HPGDS: variants seen among roughly 807,000 people sequenced by gnomAD.
HPGDS encodes hematopoietic prostaglandin D synthase.
A neutral mutation model predicts 23.1 loss-of-function variants in HPGDS; 26 were observed. That is an observed-to-expected ratio of 1.13 (90% CI 0.83 to 1.56). The LOEUF is 1.56. Among genes scored for constraint, HPGDS ranks in the 40% most tolerant of loss-of-function variants. HPGDS has a pLI of 0.00. For synonymous variants in HPGDS, 95 were observed against 77.9 expected (o/e 1.22, Z -1.16); for missense variants, 268 against 236.4 (o/e 1.13, Z -0.88).
intron 2 of HPGDS, among the ~76,000 whole-genome samples, chr4:94,323,362 T>G (rs972078644): frequency 2.0e-5 from 3 of 152,188 alleles, no homozygotes; most frequent in Non-Finnish European, 4.4e-5. Flanking sequence ...GACATTGAGG[T>G]GTTAAAGTCT....
intron 4 of HPGDS, among the ~76,000 whole-genome samples, chr4:94,305,893 T>G (rs565622809): frequency 7.9e-5 from 12 of 152,236 alleles, no homozygotes; most frequent in African/African-American, 2.9e-4. Context: ...TGGGCTCAGT[T>G]CACAGTTCTG....
chr4:94,313,389 A>C (rs888102600), intron 3 of HPGDS, among the ~76,000 whole-genome samples: 4 of 151,970 alleles, frequency 2.6e-5, no homozygotes, highest in Admixed American at 6.6e-5. Flanking sequence ...TTTTTCCTTC[A>C]CTTATGAAGC....
chr4:94,308,708 C>G lies in HPGDS; in HGVS notation c.262G>C (p.Val88Leu). 4 of 1,607,668 alleles carry G rather than the reference C, an allele frequency of 2.5e-6. No homozygotes were observed. The South Asian group carries it at 4.4e-5, about 18-fold the overall frequency. ...AGNTEMEQCHVDAIVDTLDDF... is the reference protein window; with the variant it reads ...AGNTEMEQCHLDAIVDTLDDF... Reference sequence around the variant, plus strand: ...TCCAGAGTGTCCACAATAGCATCAACATGACATTGTTCCATTTCTGTGTTT... The same window carrying G: ...TCCAGAGTGTCCACAATAGCATCAAGATGACATTGTTCCATTTCTGTGTTT... The change falls in exon 4 of 6, where the codon GTT (valine) becomes CTT (leucine). Residue 88 changes from valine (V) to leucine (L), a missense_variant. Coordinates refer to ENST00000295256, the MANE Select transcript of HPGDS (RefSeq NM_014485.3).
chr4:94,314,627 C>G (rs1341177827), intron 3 of HPGDS, among the ~76,000 whole-genome samples: 2 of 152,202 alleles, frequency 1.3e-5, no homozygotes, highest in African/African-American at 4.8e-5. Context: ...TCTCAGATCT[C>G]AAGCTGCATG....
At chr4:94,321,730 C>G (rs1225694940) in intron 2 of HPGDS, among the ~76,000 whole-genome samples, 3 of 152,228 alleles carry the variant, frequency 2.0e-5, no homozygotes, top group South Asian at 2.1e-4. Context: ...TTGACTTCCT[C>G]TCTTCCTAAT....
intron 2 of HPGDS, among the ~76,000 whole-genome samples, chr4:94,330,442 T>C (rs115810760): frequency 0.016 from 2,478 of 152,304 alleles, 56 homozygotes; most frequent in African/African-American, 0.055. Flanking sequence ...AGCTTTTTTT[T>C]CCATGACGTC....
intron 3 of HPGDS, among the ~76,000 whole-genome samples, 174 bp downstream of exon 3, chr4:94,317,699 G>A (rs111582611): frequency 3.3e-4 from 51 of 152,240 alleles, no homozygotes; most frequent in African/African-American, 8.9e-4. Flanking sequence ...TAATTGTCCA[G>A]GGAACTCATG....
In HPGDS at chr4:94,334,579, A is replaced by G; in HGVS notation, c.51T>C (p.Ile17=). 3 of 1,613,380 alleles carry G rather than the reference A, an allele frequency of 1.9e-6. No individual in the cohort carries two copies. Among genetic ancestry groups the G allele is most frequent in the Non-Finnish European group, 2.5e-6 (3 of 1,179,532 alleles). ...CCAAATAAGCAAATATGTAACGAAT[A>G]ATTTCTGCTCTCCCCCTCATATTAA... ...TYFNMRGRAE[I]IRYIFAYLDI... Residue 17 remains isoleucine, a synonymous_variant, in exon 2 of 6, where the codon ATT becomes ATC. Coordinates refer to ENST00000295256, the MANE Select transcript of HPGDS (RefSeq NM_014485.3).
chr4:94,312,602 G>T (rs905302715), intron 3 of HPGDS, among the ~76,000 whole-genome samples: 2 of 152,150 alleles, frequency 1.3e-5, no homozygotes, highest in Admixed American at 6.6e-5. Context: ...GTGCTGAGAA[G>T]AATGTATATT....
At chr4:94,326,216 A>G (rs900927254) in intron 2 of HPGDS, among the ~76,000 whole-genome samples, 4 of 152,110 alleles carry the variant, frequency 2.6e-5, no homozygotes, top group African/African-American at 9.7e-5. Context: ...TCTATACCTG[A>G]GCTTCATGTA....
At chr4:94,306,663 C>T (rs1756144232) in intron 4 of HPGDS, among the ~76,000 whole-genome samples, 1 of 152,026 alleles carries the variant, frequency 6.6e-6, no homozygotes, top group Non-Finnish European at 1.5e-5. Context: ...ACAGCTGTCC[C>T]TTCCCCATTC....
intron 3 of HPGDS, among the ~76,000 whole-genome samples, chr4:94,315,281 C>T (rs1425536629): frequency 6.6e-6 from 1 of 152,210 alleles, no homozygotes; most frequent in African/African-American, 2.4e-5. Flanking sequence ...CATCTTGGAA[C>T]TGCCTCTCCC....
intron 3 of HPGDS, among the ~76,000 whole-genome samples, chr4:94,313,546 C>A (rs965852113): frequency 6.6e-6 from 1 of 152,170 alleles, no homozygotes; most frequent in Non-Finnish European, 1.5e-5. Flanking sequence ...GGTAACCCGA[C>A]CTTTCTCTTT....
chr4:94,312,445 G>A (rs1424438139), intron 3 of HPGDS, among the ~76,000 whole-genome samples: 9 of 152,024 alleles, frequency 5.9e-5, no homozygotes, highest in Non-Finnish European at 8.8e-5. Context: ...GTAGTTGAGC[G>A]GTTTTGAGTG....
chr4:94,335,476 G>A (rs143928941), intron 1 of HPGDS, among the ~76,000 whole-genome samples: 31 of 152,148 alleles, frequency 2.0e-4, no homozygotes, highest in East Asian at 3.9e-4. Context: ...TTTTAATTTC[G>A]TAAGATCAAA....
chr4:94,323,319 T>G (rs889672476), intron 2 of HPGDS, among the ~76,000 whole-genome samples: 10 of 152,208 alleles, frequency 6.6e-5, no homozygotes, highest in African/African-American at 2.2e-4. Flanking sequence ...GACATCATTG[T>G]TAACCTTCTT....
At chr4:94,339,720 G>T (rs1201394670) in intron 1 of HPGDS, among the ~76,000 whole-genome samples, 1 of 151,786 alleles carries the variant, frequency 6.6e-6, no homozygotes, top group African/African-American at 2.4e-5. Context: ...TTTATAGAAT[G>T]CTTGTTATGG....
chr4:94,304,288 C>A (rs961961855), intron 4 of HPGDS, among the ~76,000 whole-genome samples: 1 of 152,120 alleles, frequency 6.6e-6, no homozygotes. Flanking sequence ...TCTCATTCTT[C>A]TTCCCCATCC....
intron 2 of HPGDS, among the ~76,000 whole-genome samples, chr4:94,321,163 T>C (rs1229816938): frequency 1.2e-4 from 18 of 152,210 alleles, no homozygotes; most frequent in Non-Finnish European, 2.2e-4. Flanking sequence ...TTGGTTACTG[T>C]AGGCTTGTAG....
Sources: gnomAD v4.1 joint callset for allele counts (sites outside exome capture counted in the v4.1 genomes callset) on GRCh38, gnomAD v4.1.1 for gene constraint, MANE v1.5 for transcripts, NCBI Gene and HGNC (gene_info 2026-07-23, HGNC 2026-07-21) for gene names.